The following NDUFB9 variants were observed in gnomAD, a reference collection of about 807,000 sequenced individuals.
The protein encoded by NDUFB9 is NADH dehydrogenase [ubiquinone] 1 beta subcomplex subunit 9.
NDUFB9 carries 24 observed loss-of-function variants against 30.2 expected under a neutral mutation model. The observed-to-expected ratio is 0.80, with a 90% CI of 0.58 to 1.12. NDUFB9 has a LOEUF of 1.12. NDUFB9 is among the 50% of genes most tolerant of loss of function. The pLI is 0.00. For synonymous variants in NDUFB9, 80 were observed against 84.0 expected, an observed-to-expected ratio of 0.95 and a Z score of 0.26; for missense variants, 204 against 226.0, an observed-to-expected ratio of 0.90 and a Z score of 0.62.
intron 3 of NDUFB9, among the ~76,000 whole-genome samples, chr8:124,548,230 T>C (rs1328372857): frequency 6.6e-6 from 1 of 152,078 alleles, no homozygotes; most frequent in Non-Finnish European, 1.5e-5. Context: ...AACAGAAACG[T>C]GGGAGTTTTC....
chr8:124,541,882 G>C (rs1009719708), intron 1 of NDUFB9, among the ~76,000 whole-genome samples: 1 of 151,604 alleles, frequency 6.6e-6, no homozygotes, highest in African/African-American at 2.4e-5. Context: ...GATTACAGGC[G>C]TGAGCCACCG....
intron 3 of NDUFB9, among the ~76,000 whole-genome samples, chr8:124,549,112 CCATCA>C: frequency 6.6e-6 from 1 of 152,332 alleles, no homozygotes; most frequent in East Asian, 1.9e-4. Context: ...TTTACACATC[CCATCA>C]CTTCAACACT....
chr8:124,545,279 C>T (rs1238950741), intron 2 of NDUFB9, among the ~76,000 whole-genome samples: 1 of 152,172 alleles, frequency 6.6e-6, no homozygotes, highest in East Asian at 1.9e-4. Context: ...TCCAATTTTG[C>T]AAGAAGTTCT....
At chr8:124,546,909 T>C in intron 2 of NDUFB9, 91 bp from the exon 3 acceptor site, 1 of 889,312 alleles carries the variant, frequency 1.1e-6, no homozygotes, top group East Asian at 2.4e-5. Flanking sequence ...AAAATATATC[T>C]TGATCTTTGT....
chr8:124,544,170 G>T (rs553935278), intron 2 of NDUFB9, among the ~76,000 whole-genome samples: 1 of 152,220 alleles, frequency 6.6e-6, no homozygotes. Context: ...TTAAGCCAAA[G>T]CCTAATCCAA....
intron 1 of NDUFB9, among the ~76,000 whole-genome samples, chr8:124,541,275 G>A (rs1462451098): frequency 6.6e-6 from 1 of 152,110 alleles, no homozygotes; most frequent in African/African-American, 2.4e-5. Flanking sequence ...TCCCCATTCT[G>A]ACTCTTTTCC....
intron 3 of NDUFB9, chr8:124,547,582 G>A (rs1306045861): frequency 1.9e-5 from 6 of 314,328 alleles, no homozygotes; most frequent in South Asian, 1.9e-4. Flanking sequence ...TAACACTAGG[G>A]TGGATGAAGT....
intron 1 of NDUFB9, among the ~76,000 whole-genome samples, chr8:124,540,559 A>G (rs548416241): frequency 6.6e-6 from 1 of 152,328 alleles, no homozygotes; most frequent in East Asian, 1.9e-4. Context: ...TACAATAATT[A>G]TGTGTCAAAA....
intron 1 of NDUFB9, among the ~76,000 whole-genome samples, chr8:124,540,200 C>A (rs1448333698): frequency 6.6e-6 from 1 of 152,230 alleles, no homozygotes; most frequent in East Asian, 1.9e-4. Context: ...ACATACTTCT[C>A]TTGATTTGGC....
In NDUFB9 at chr8:124,543,102, C is replaced by G; in HGVS notation, c.117C>G (p.Tyr39Ter). The G allele has an allele frequency of 6.2e-7, 1 of 1,614,166 alleles. No individual in the cohort carries two copies. The highest frequency in any genetic ancestry group is 8.5e-7 in the Non-Finnish European group (1 of 1,180,012). Residue 39 changes from tyrosine (Y) to a stop codon, truncating the protein, a stop_gained, in exon 2 of 4, where the codon TAC becomes TAG. Transcript: ENST00000276689. LOFTEE classifies it high-confidence loss of function. The part of the protein sequence containing the change: ...SWCVQRDKYR[Y>*]FACLMRARFE... ...TTGGTTTAAGAGACAAATACCGATA[C>G]TTTGCTTGTTTGATGAGAGCCCGGT...
intron 3 of NDUFB9, among the ~76,000 whole-genome samples, 192 bp from the exon 4 acceptor site, chr8:124,549,569 G>C (rs1822281539): frequency 6.6e-6 from 1 of 152,186 alleles, no homozygotes; most frequent in African/African-American, 2.4e-5. Context: ...AACCCTTAAG[G>C]AGACTTTTCT....
chr8:124,546,659 T>C, intron 2 of NDUFB9: 1 of 330,492 alleles, frequency 3.0e-6, no homozygotes, highest in East Asian at 6.5e-5. Flanking sequence ...CCAACTTGGA[T>C]TGGTGCTTAA....
At chr8:124,541,886 G>C in intron 1 of NDUFB9, among the ~76,000 whole-genome samples, 1 of 151,664 alleles carries the variant, frequency 6.6e-6, no homozygotes, top group Non-Finnish European at 1.5e-5. Context: ...ACAGGCGTGA[G>C]CCACCGTGCC....
In NDUFB9 at chr8:124,549,632, A is replaced by G. The variant is rs1261968292; in HGVS notation, c.409-129A>G. ...GTATATGTAAAAAACACTTTTCAAT[A>G]TTGTGATCAGATAGTGTGTAATGTC... is the stretch of plus-strand genomic sequence containing the variant. On this transcript the variant is annotated intron_variant, in intron 3 of 3. Transcript: ENST00000276689. 119 of 872,402 alleles carry G rather than the reference A, an allele frequency of 1.4e-4. 1 individual carries two copies. The highest frequency in any genetic ancestry group is 1.7e-4 in the Non-Finnish European group (89 of 527,352). 54.0% of individuals were successfully genotyped at this position (872,402 alleles called of 1,614,324 possible).
chr8:124,543,842 A>C (rs980622778), intron 2 of NDUFB9, among the ~76,000 whole-genome samples: 2 of 152,208 alleles, frequency 1.3e-5, no homozygotes, highest in Admixed American at 1.3e-4. Flanking sequence ...ACCATACCAT[A>C]GCCTCTAAGT....
chr8:124,548,687 G>A (rs991103518), intron 3 of NDUFB9, among the ~76,000 whole-genome samples: 1 of 152,168 alleles, frequency 6.6e-6, no homozygotes, highest in Non-Finnish European at 1.5e-5. Context: ...GGGACTTGAG[G>A]TTATTCGAAA....
Position 124,539,257 on chromosome 8 carries a change from T to C in NDUFB9, c.71T>C (p.Leu24Pro). ...GTGTTGCGGCTTTATAAGCGGGCGC[T>C]ACGCCACCTCGAGTCGTGGTGCGTC... Reference protein sequence around the residue: ...QKVLRLYKRALRHLESWCVQR... With the variant: ...QKVLRLYKRAPRHLESWCVQR... Residue 24 changes from leucine to proline, a missense_variant, in exon 1 of 4, where the codon CTA (leucine) becomes CCA (proline). By Grantham distance (98) the Leu-to-Pro change is moderately conservative. Transcript: ENST00000276689. The C allele has an allele frequency of 6.2e-7, 1 of 1,614,186 alleles. No individual in the cohort carries two copies. The highest frequency in any genetic ancestry group is 8.5e-7 in the Non-Finnish European group (1 of 1,180,032).
chr8:124,539,308 A>G lies in NDUFB9; in HGVS notation c.101+21A>G, dbSNP rs201243548. 393 of 1,613,110 alleles carry G rather than the reference A, an allele frequency of 2.4e-4. 1 individual carries two copies. In the African/African-American group the frequency reaches 4.7e-3, roughly 19 times the overall value. On this transcript the variant is annotated intron_variant, in intron 1 of 3. Coordinates refer to ENST00000276689, the MANE Select transcript of NDUFB9 (RefSeq NM_005005.3). ...CAGAGGTAAGGGATGGGGACCCAGG[A>G]CTCGGGGAGGTGACCCTCGGGGCCC...
rs1563706936 is a variant in NDUFB9, at chr8:124,543,122, C to G, written c.137C>G (p.Ala46Gly). ...CGATACTTTGCTTGTTTGATGAGAGCCCGGTTTGAAGAACATAAGAATGAA... is the reference window on the plus strand; with the variant it reads ...CGATACTTTGCTTGTTTGATGAGAGGCCGGTTTGAAGAACATAAGAATGAA... ...KYRYFACLMRARFEEHKNEKD... is the reference protein window; with the variant it reads ...KYRYFACLMRGRFEEHKNEKD... The change falls in exon 2 of 4, where the codon GCC becomes GGC. Residue 46 changes from alanine (A) to glycine (G), a missense_variant. Physicochemically the swap from Ala to Gly is moderately conservative, Grantham distance 60. Coordinates refer to ENST00000276689, the MANE Select transcript of NDUFB9 (RefSeq NM_005005.3). 1.9e-6 allele frequency: 3 copies of G among 1,614,142 alleles called. No homozygotes were observed. The East Asian group carries it at 6.7e-5, about 36-fold the overall frequency.
Sources: gnomAD v4.1 joint callset for allele counts (sites outside exome capture counted in the v4.1 genomes callset) on GRCh38, gnomAD v4.1.1 for gene constraint, MANE v1.5 for transcripts, NCBI Gene and HGNC (gene_info 2026-07-23, HGNC 2026-07-21) for gene names.